Variants in UBA2 observed in about 807,000 individuals in gnomAD.
UBA2 encodes SUMO-activating enzyme subunit 2.
In UBA2, 11 loss-of-function variants were observed where a neutral mutation model predicts 77.2. The ratio of observed to expected loss-of-function variants is 0.14; its 90% CI spans 0.09 to 0.24. The LOEUF is 0.24. Among genes scored for constraint, UBA2 ranks in the 10% least tolerant of loss-of-function variants. The pLI is 1.00. For synonymous variants in UBA2, 278 were observed against 276.7 expected (o/e 1.00, Z -0.05); for missense variants, 487 against 781.7 (o/e 0.62, Z 4.50).
chr19:34,467,993 G>A (rs1225116670), intron 16 of UBA2, among the ~76,000 whole-genome samples: 2 of 152,166 alleles, frequency 1.3e-5, no homozygotes, highest in African/African-American at 4.8e-5. Context: ...GTTAAGTATG[G>A]AATTTAGGCA....
intron 3 of UBA2, 100 bp from the exon 4 acceptor site, chr19:34,433,248 G>A (rs1568367210): frequency 2.5e-6 from 2 of 809,780 alleles, no homozygotes; most frequent in East Asian, 4.9e-5. Context: ...TATCAGTTTT[G>A]TTTACAGTTA....
At position 34,442,096 on chromosome 19, in the gene UBA2, A is replaced by G. The variant is rs142716574; in HGVS notation, c.582-1748A>G. On this transcript the variant is annotated intron_variant, in intron 6 of 16. Transcript: ENST00000246548. The stretch of plus-strand genomic sequence containing the variant: ...CAAAAAATTTAAAAATTAGCAAGGC[A>G]TGGTGGCACATGCCTGTGGTCCCAG... Among the ~76,000 whole-genome samples, 1,221 of 151,830 alleles carry G rather than the reference A, an allele frequency of 8.0e-3. 8 individuals carry two copies. The highest frequency in any genetic ancestry group is 0.027 in the African/African-American group (1,138 of 41,414).
chr19:34,461,562 C>T lies in UBA2; in HGVS notation c.1498+996C>T, dbSNP rs375420907. Among the ~76,000 whole-genome samples the T allele has an allele frequency of 2.3e-4, 35 of 152,314 alleles. No homozygotes were observed. In the East Asian group the frequency reaches 4.8e-3, roughly 21 times the overall value. ...GTCCCTTAGTTGTAGCCAGCTCTTT[C>T]AAATGCTAGCTTAAAAATGGAAACT... On this transcript the variant is annotated intron_variant, in intron 14 of 16. Transcript: ENST00000246548.
chr19:34,466,234 T>G (rs1484931777), intron 15 of UBA2, among the ~76,000 whole-genome samples: 3 of 152,060 alleles, frequency 2.0e-5, no homozygotes, highest in Non-Finnish European at 4.4e-5. Flanking sequence ...CTTGGGAGGC[T>G]GAGGCAGAAG....
rs1211640294 is a variant in UBA2 at position 34,448,980 on chromosome 19, G to A, written c.772-1285G>A. 9.2e-5 allele frequency among the ~76,000 whole-genome samples: 14 copies of A among 151,822 alleles called. No individual in the cohort carries two copies. The East Asian group carries it at 2.3e-3, about 25-fold the overall frequency. On this transcript the variant is annotated intron_variant, in intron 8 of 16. Coordinates refer to ENST00000246548, the MANE Select transcript of UBA2 (RefSeq NM_005499.3). Reference sequence around the variant, plus strand: ...CCACATTTGTTACCCAAGTCATAGTGGATTCATCTCCTTGCCTTTGTACCC... The same window carrying A: ...CCACATTTGTTACCCAAGTCATAGTAGATTCATCTCCTTGCCTTTGTACCC...
In UBA2 at chr19:34,459,093, C is replaced by G. The variant is rs562323795; in HGVS notation, c.1401+169C>G. On this transcript the variant is annotated intron_variant, in intron 13 of 16. Transcript: ENST00000246548. ...CCTGCAGGCTTTTCTGTCTGTGGTT[C>G]CAGAATAAGTGCCTCACATTCCCAG... Among the ~76,000 whole-genome samples the G allele has an allele frequency of 5.9e-5, 9 of 152,190 alleles. No individual in the cohort carries two copies. The South Asian group carries it at 1.9e-3, about 32-fold the overall frequency.
At position 34,455,831 on chromosome 19, in the gene UBA2, C is replaced by T. The variant is rs1399270770; in HGVS notation, c.1245+1275C>T. ...CTAATTTTTGTATTTTTAGTAGAGA[C>T]GGGTTTCACTATGTTGGTTAGGCTG... On this transcript the variant is annotated intron_variant, in intron 12 of 16. Transcript: ENST00000246548. 2.0e-5 allele frequency among the ~76,000 whole-genome samples: 3 copies of T among 151,842 alleles called. No homozygotes were observed. The East Asian group carries it at 5.8e-4, about 29-fold the overall frequency.
In UBA2 at chr19:34,431,844, G is replaced by C; in HGVS notation, c.223-17G>C. On this transcript the variant is annotated splice_polypyrimidine_tract_variant and intron_variant, in intron 2 of 16. Transcript: ENST00000246548. ...AACAGAAATATTGTAGTAATTCAGT[G>C]TTGTTTATTTTTCCAGGTTGCCAAG... is the stretch of plus-strand genomic sequence containing the variant. The C allele has an allele frequency of 6.2e-7, 1 of 1,609,702 alleles. No homozygotes were observed. The highest frequency in any genetic ancestry group is 8.5e-7 in the Non-Finnish European group (1 of 1,176,252).
At chr19:34,438,916 T>A in intron 6 of UBA2, 150 bp downstream of exon 6, 1 of 1,134,424 alleles carries the variant, frequency 8.8e-7, no homozygotes, top group Non-Finnish European at 1.2e-6. Context: ...TTTCTTAGGT[T>A]AAATGTAGCT....
chr19:34,450,437 T>C, intron 9 of UBA2, 73 bp downstream of exon 9: 1 of 1,031,762 alleles, frequency 9.7e-7, no homozygotes, highest in Non-Finnish European at 1.4e-6. Context: ...TATAGCCCTG[T>C]TGTTGCTTGA....
chr19:34,455,995 C>G (rs1435986654), intron 12 of UBA2, among the ~76,000 whole-genome samples: 1 of 151,248 alleles, frequency 6.6e-6, no homozygotes. Flanking sequence ...CGGGTTGGTC[C>G]TGAACTCCTG....
At position 34,469,947 on chromosome 19, in the gene UBA2, A is replaced by G. The variant is rs1415639379; in HGVS notation, c.*726A>G. The G allele has an allele frequency of 6.6e-6, 1 of 152,468 alleles. No homozygotes were observed. The highest frequency in any genetic ancestry group is 6.6e-5 in the Admixed American group (1 of 15,254). 9.4% of individuals were successfully genotyped at this position (152,468 alleles called of 1,614,324 possible). On this transcript the variant is annotated 3_prime_UTR_variant, in exon 17 of 17. Coordinates refer to ENST00000246548, the MANE Select transcript of UBA2 (RefSeq NM_005499.3). ...CCTTATATCTACTGCAGGAATGTCA[A>G]ATTCTTTTCATTAAAAAAAGAACTC...
At chr19:34,459,934 T>A (rs1235052335) in intron 13 of UBA2, among the ~76,000 whole-genome samples, 1 of 152,236 alleles carries the variant, frequency 6.6e-6, no homozygotes, top group Non-Finnish European at 1.5e-5. Context: ...TGGTATCTCC[T>A]GATTCTTGAG....
At chr19:34,431,239 CTTTTCTTTTTT>C (rs2075250047) in intron 2 of UBA2, among the ~76,000 whole-genome samples, 1 of 76,162 alleles carries the variant, frequency 1.3e-5, no homozygotes, top group African/African-American at 4.4e-5. Context: ...CTATCATTTT[CTTTTCTTTTTT>C]TTTTTTTTTT....
chr19:34,430,016 A>T (rs1267092280), intron 1 of UBA2: 1 of 152,140 alleles, frequency 6.6e-6, no homozygotes, highest in Non-Finnish European at 1.5e-5. Flanking sequence ...GGCTCCAGTG[A>T]TCCTCCACCT....
intron 1 of UBA2, among the ~76,000 whole-genome samples, chr19:34,429,485 C>T (rs774984418): frequency 1.3e-5 from 2 of 152,080 alleles, no homozygotes; most frequent in Admixed American, 6.6e-5. Flanking sequence ...TTAGATAAAA[C>T]TTAAAACATG....
intron 3 of UBA2, among the ~76,000 whole-genome samples, chr19:34,432,246 TA>T (rs1393464695): frequency 6.6e-6 from 1 of 152,242 alleles, no homozygotes; most frequent in Non-Finnish European, 1.5e-5. Context: ...CAGACTTTTC[TA>T]AAGTGTTTGC....
chr19:34,459,001 A>T (rs1242759431), intron 13 of UBA2, 77 bp downstream of exon 13: 1 of 1,424,472 alleles, frequency 7.0e-7, no homozygotes, highest in East Asian at 2.5e-5. Flanking sequence ...CTAGCTGCTG[A>T]TTCTGAAAAG....
intron 7 of UBA2, 149 bp from the exon 8 acceptor site, chr19:34,444,851 G>A: frequency 4.0e-6 from 3 of 747,758 alleles, no homozygotes; most frequent in Non-Finnish European, 6.4e-6. Flanking sequence ...AGATGCTGAT[G>A]AATGTGTTAT....
Sources: gnomAD v4.1 joint callset for allele counts (sites outside exome capture counted in the v4.1 genomes callset) on GRCh38, gnomAD v4.1.1 for gene constraint, MANE v1.5 for transcripts, NCBI Gene and HGNC (gene_info 2026-07-23, HGNC 2026-07-21) for gene names.